The following ITGA2 variants were observed in gnomAD, a reference collection of about 807,000 sequenced individuals.
ITGA2 encodes the protein integrin subunit alpha 2.
Under a neutral mutation model 146.3 loss-of-function variants are expected in ITGA2, and 101 were observed. The ratio of observed to expected loss-of-function variants is 0.69; its 90% CI spans 0.59 to 0.81. The LOEUF is 0.81. ITGA2 is among the 40% of genes least tolerant of loss of function. ITGA2 has a pLI of 0.00. For synonymous variants in ITGA2, 477 were observed against 487.1 expected (o/e 0.98, Z 0.27); for missense variants, 1,281 against 1,402.7 (o/e 0.91, Z 1.39).
chr5:53,002,190 A>G (rs891563833), intron 1 of ITGA2, among the ~76,000 whole-genome samples: 13 of 152,228 alleles, frequency 8.5e-5, no homozygotes, highest in African/African-American at 3.1e-4. Context: ...TTAATTTTAT[A>G]GTATAAAACA....
intron 2 of ITGA2, among the ~76,000 whole-genome samples, chr5:53,027,457 G>A (rs1001984503): frequency 1.3e-5 from 2 of 152,148 alleles, no homozygotes; most frequent in Admixed American, 6.5e-5. Context: ...GCTATGTGAT[G>A]GTTACATTTT....
At chr5:53,011,210 G>A (rs1210147996) in intron 1 of ITGA2, among the ~76,000 whole-genome samples, 1 of 152,096 alleles carries the variant, frequency 6.6e-6, no homozygotes, top group Non-Finnish European at 1.5e-5. Context: ...AAGACATATA[G>A]AGGGGCCAGA....
At chr5:53,090,199 T>G (rs1740342480) in intron 29 of ITGA2, 137 bp downstream of exon 29, 1 of 722,618 alleles carries the variant, frequency 1.4e-6, no homozygotes, top group Non-Finnish European at 2.4e-6. Flanking sequence ...TGTTTATAAT[T>G]TCTTACTCAT....
chr5:52,990,562 T>A (rs1021072578), intron 1 of ITGA2, among the ~76,000 whole-genome samples: 3 of 94,152 alleles, frequency 3.2e-5, no homozygotes, highest in African/African-American at 1.0e-4. Flanking sequence ...TTAAAGTGTG[T>A]GTGTGGTTTT....
chr5:53,073,657 A>G (rs1228884814), intron 20 of ITGA2, among the ~76,000 whole-genome samples: 2 of 151,918 alleles, frequency 1.3e-5, no homozygotes, highest in Non-Finnish European at 2.9e-5. Context: ...AGCAAAGCCA[A>G]CTAATCACAT....
intron 27 of ITGA2, among the ~76,000 whole-genome samples, chr5:53,085,483 T>C (rs1328412207): frequency 1.3e-5 from 2 of 152,214 alleles, no homozygotes; most frequent in Non-Finnish European, 1.5e-5. Flanking sequence ...TCTTTAGTCT[T>C]TGGGGATTAT....
At chr5:53,073,285 T>C in intron 20 of ITGA2, 26 bp downstream of exon 20, 1 of 1,610,732 alleles carries the variant, frequency 6.2e-7, no homozygotes, top group East Asian at 2.2e-5. Flanking sequence ...CTGTACTTAC[T>C]TCCACCATGC....
chr5:53,046,236 C>T (rs1183604411), intron 4 of ITGA2, among the ~76,000 whole-genome samples: 3 of 149,610 alleles, frequency 2.0e-5, no homozygotes, highest in Non-Finnish European at 3.0e-5. Context: ...TCTTAGACAG[C>T]ATAATTCAAC....
At chr5:53,013,447 A>G (rs1742243375) in intron 1 of ITGA2, among the ~76,000 whole-genome samples, 2 of 148,998 alleles carry the variant, frequency 1.3e-5, no homozygotes, top group Non-Finnish European at 3.0e-5. Context: ...GGGGCTCTCT[A>G]TTCTGTGCCA....
chr5:53,065,772 A>G, intron 14 of ITGA2, 69 bp from the exon 15 acceptor site: 1 of 1,603,848 alleles, frequency 6.2e-7, no homozygotes, highest in South Asian at 1.1e-5. Flanking sequence ...TAATAATGAA[A>G]TTCAGAGGCT....
chr5:53,002,951 AT>A (rs1194457662), intron 1 of ITGA2, among the ~76,000 whole-genome samples: 4 of 152,056 alleles, frequency 2.6e-5, no homozygotes, highest in Non-Finnish European at 4.4e-5. Flanking sequence ...GAAAAAAAAT[AT>A]TTTTAGATTA....
chr5:53,090,686 A>T lies in ITGA2; in HGVS notation c.*87A>T, dbSNP rs969021942. 5.5e-6 allele frequency: 5 copies of T among 911,530 alleles called. No individual in the cohort carries two copies. The highest frequency in any genetic ancestry group is 2.2e-5 in the Admixed American group (1 of 45,768). The allele number at this position is 911,530 out of a possible 1,614,324, so 56.5% of individuals were successfully genotyped here. On this transcript the variant is annotated 3_prime_UTR_variant, in exon 30 of 30. Coordinates refer to ENST00000296585, the MANE Select transcript of ITGA2 (RefSeq NM_002203.4). ...GAATGGATTTCTTTTTAAATCCCATATTTTTTTTATCATGTCGTAGGTAAA... is the reference window on the plus strand; with the variant it reads ...GAATGGATTTCTTTTTAAATCCCATTTTTTTTTTATCATGTCGTAGGTAAA...
intron 1 of ITGA2, 141 bp downstream of exon 1, chr5:52,989,673 C>G (rs1740822357): frequency 1.1e-6 from 1 of 872,734 alleles, no homozygotes. Flanking sequence ...TCCCAGCCAC[C>G]AGGACCTGCT....
In ITGA2 at chr5:53,070,185, C is replaced by T; in HGVS notation, c.2160C>T (p.Asn720=). ...RVTSRGLFKE[N]NERCLQKNMV... is the part of the protein sequence containing the mutation. ...CCTCCAGGGGGTTATTTAAAGAAAACAATGAAAGGTGCCTGCAGAAGAATA... is the reference window on the plus strand; with the variant it reads ...CCTCCAGGGGGTTATTTAAAGAAAATAATGAAAGGTGCCTGCAGAAGAATA... The change falls in exon 17 of 30, where the codon AAC becomes AAT. Residue 720 remains asparagine (N), a synonymous_variant. Coordinates refer to ENST00000296585, the MANE Select transcript of ITGA2 (RefSeq NM_002203.4). The T allele has an allele frequency of 6.2e-7, 1 of 1,611,702 alleles. No homozygotes were observed. Among genetic ancestry groups the T allele is most frequent in the African/African-American group, 1.3e-5 (1 of 74,750 alleles).
Position 53,083,411 on chromosome 5 carries a change from T to G in ITGA2, c.3216T>G (p.Phe1072Leu). ...ACGTTCACATGAAAGGAGAATACTT[T>G]GTTAATGTGACTACCAGAATTTGGA... ...LKDVHMKGEY[F>L]VNVTTRIWNG... The change falls in exon 27 of 30, where the codon TTT becomes TTG. Residue 1072 changes from phenylalanine to leucine, a missense_variant. By Grantham distance (22) the Phe-to-Leu change is conservative (BLOSUM62 0). Coordinates refer to ENST00000296585, the MANE Select transcript of ITGA2 (RefSeq NM_002203.4). The G allele has an allele frequency of 3.1e-6, 5 of 1,613,054 alleles. No individual in the cohort carries two copies. The highest frequency in any genetic ancestry group is 4.2e-6 in the Non-Finnish European group (5 of 1,179,052).
chr5:53,000,562 T>C (rs1386990787), intron 1 of ITGA2, among the ~76,000 whole-genome samples: 1 of 152,196 alleles, frequency 6.6e-6, no homozygotes, highest in Non-Finnish European at 1.5e-5. Context: ...GTTTCTTTTA[T>C]CCTATATTAC....
At chr5:53,065,652 T>C in intron 14 of ITGA2, 189 bp from the exon 15 acceptor site, 1 of 678,762 alleles carries the variant, frequency 1.5e-6, no homozygotes, top group Non-Finnish European at 2.5e-6. Context: ...TCGATGAAAA[T>C]GTGGCTGTAA....
At chr5:53,025,058 G>C (rs529050561) in intron 1 of ITGA2, among the ~76,000 whole-genome samples, 1 of 152,294 alleles carries the variant, frequency 6.6e-6, no homozygotes, top group East Asian at 1.9e-4. Context: ...GGGGGAAAAT[G>C]AGGTTGTTTT....
At chr5:53,066,774 T>G (rs1285688264) in intron 15 of ITGA2, among the ~76,000 whole-genome samples, 1 of 151,878 alleles carries the variant, frequency 6.6e-6, no homozygotes, top group African/African-American at 2.4e-5. Flanking sequence ...AGAATAATAC[T>G]TAAGACTTTA....
Sources: gnomAD v4.1 joint callset for allele counts (sites outside exome capture counted in the v4.1 genomes callset) on GRCh38, gnomAD v4.1.1 for gene constraint, MANE v1.5 for transcripts, NCBI Gene and HGNC (gene_info 2026-07-23, HGNC 2026-07-21) for gene names.